TESC: variants seen among roughly 807,000 people sequenced by gnomAD.
The protein encoded by TESC is calcineurin B homologous protein 3.
TESC carries 19 observed loss-of-function variants against 31.0 expected under a neutral mutation model. The ratio of observed to expected loss-of-function variants is 0.61; its 90% CI spans 0.43 to 0.90. TESC has a LOEUF of 0.90. TESC is among the 40% of genes least tolerant of loss of function. The probability of loss-of-function intolerance (pLI) is 0.00; values close to 1 mark genes in which losing one functional copy is unlikely to be tolerated. For synonymous variants in TESC, 109 were observed against 114.8 expected, an observed-to-expected ratio of 0.95 and a Z score of 0.32; for missense variants, 248 against 303.8, an observed-to-expected ratio of 0.82 and a Z score of 1.36.
intron 2 of TESC, among the ~76,000 whole-genome samples, chr12:117,058,155 G>A (rs1244285443): frequency 6.6e-6 from 1 of 152,110 alleles, no homozygotes; most frequent in African/African-American, 2.4e-5. Context: ...GGGAGGTGGA[G>A]GTTGCAGTGA....
intron 1 of TESC, among the ~76,000 whole-genome samples, chr12:117,088,352 C>A (rs907186746): frequency 6.6e-6 from 1 of 152,032 alleles, no homozygotes; most frequent in African/African-American, 2.4e-5. Context: ...CCAGATTTAT[C>A]CTGAGGCCAA....
chr12:117,098,878 C>G (rs1955432340), intron 1 of TESC, among the ~76,000 whole-genome samples: 1 of 152,160 alleles, frequency 6.6e-6, no homozygotes, highest in Non-Finnish European at 1.5e-5. Flanking sequence ...GTGGGGCGCG[C>G]GCGCCAGCGG....
In TESC at chr12:117,089,374, TG is replaced by T. The variant is rs1955273336; in HGVS notation, c.58+9850del. Among the ~76,000 whole-genome samples the T allele has an allele frequency of 3.9e-5, 6 of 152,110 alleles. No individual in the cohort carries two copies. In the South Asian group the frequency reaches 1.2e-3, roughly 32 times the overall value. ...GGTAGGGGGAAGGGCCAAGGGGAGT[TG>T]GGAAAAAGCCCAAAGATGAGCTTAT... On this transcript the variant is annotated intron_variant, in intron 1 of 7. Coordinates refer to ENST00000335209, the MANE Select transcript of TESC (RefSeq NM_017899.4).
intron 4 of TESC, chr12:117,048,763 GT>G (rs1954603935): frequency 3.2e-6 from 2 of 633,514 alleles, no homozygotes; most frequent in African/African-American, 3.6e-5. Flanking sequence ...CAAGGGCCTT[GT>G]TTCACATCCA....
At chr12:117,075,849 A>ATATATATATATATATATATGTG (rs1565971306) in intron 1 of TESC, among the ~76,000 whole-genome samples, 5 of 24,022 alleles carry the variant, frequency 2.1e-4, no homozygotes, top group South Asian at 2.1e-3. Context: ...GTGTGTGTGT[A>ATATATATATATATATATATGTG]TATATATATA....
At chr12:117,082,431 G>C (rs993485147) in intron 1 of TESC, among the ~76,000 whole-genome samples, 1 of 151,902 alleles carries the variant, frequency 6.6e-6, no homozygotes, top group African/African-American at 2.4e-5. Flanking sequence ...TTGAACCTGG[G>C]AGGCAGAGGT....
intron 2 of TESC, among the ~76,000 whole-genome samples, chr12:117,059,078 C>T (rs1193980110): frequency 1.3e-5 from 2 of 152,198 alleles, no homozygotes; most frequent in African/African-American, 4.8e-5. Flanking sequence ...AGGGTATCAG[C>T]CCACTGAAAA....
At chr12:117,039,748 C>T (rs1360752144) in intron 7 of TESC, among the ~76,000 whole-genome samples, 2 of 152,212 alleles carry the variant, frequency 1.3e-5, no homozygotes, top group Non-Finnish European at 1.5e-5. Context: ...TAAGGGATCA[C>T]GTGCATTCTA....
chr12:117,042,606 T>C (rs1954501375), intron 6 of TESC, among the ~76,000 whole-genome samples: 1 of 152,158 alleles, frequency 6.6e-6, no homozygotes, highest in Non-Finnish European at 1.5e-5. Flanking sequence ...ACAAGGAGCC[T>C]CTCCCTGCTG....
intron 2 of TESC, among the ~76,000 whole-genome samples, chr12:117,071,459 G>T (rs571320618): frequency 1.3e-5 from 2 of 152,336 alleles, no homozygotes; most frequent in South Asian, 2.1e-4. Flanking sequence ...GGCAGGAGAC[G>T]TGTCTTGGAA....
Position 117,046,587 on chromosome 12 carries a change from T to A in TESC, c.491A>T (p.Glu164Val). The stretch of plus-strand genomic sequence containing the variant: ...CTGCCCCATGCACACGCTGGCCGCC[T>A]CCATCATGGCCCCGTCGGCGATGGA... ...ARSIADGAMM[E>V]AASVCMGQME... The change falls in exon 6 of 8, where the codon GAG (glutamate) becomes GTG (valine). Residue 164 changes from glutamate (E) to valine (V), a missense_variant. Physicochemically the swap from Glu to Val is moderately radical, Grantham distance 121 (BLOSUM62 -2). Transcript: ENST00000335209. 1.9e-6 allele frequency: 3 copies of A among 1,551,038 alleles called. No individual in the cohort carries two copies.
chr12:117,092,598 C>G (rs565872050), intron 1 of TESC, among the ~76,000 whole-genome samples: 20 of 152,308 alleles, frequency 1.3e-4, no homozygotes, highest in Middle Eastern at 6.8e-3. Context: ...GGTCTCCCCC[C>G]GCCCCAGAGC....
intron 1 of TESC, among the ~76,000 whole-genome samples, chr12:117,085,971 A>G (rs889075691): frequency 6.6e-5 from 10 of 152,196 alleles, no homozygotes; most frequent in Admixed American, 3.3e-4. Flanking sequence ...AGGTGATGAG[A>G]TGTTATAAAG....
chr12:117,061,690 A>G (rs914786711), intron 2 of TESC, among the ~76,000 whole-genome samples: 1 of 151,680 alleles, frequency 6.6e-6, no homozygotes, highest in Non-Finnish European at 1.5e-5. Context: ...CTACATCCAC[A>G]CCTGACTCTC....
intron 1 of TESC, among the ~76,000 whole-genome samples, chr12:117,083,802 A>G (rs905594203): frequency 2.0e-5 from 3 of 152,138 alleles, no homozygotes; most frequent in African/African-American, 4.8e-5. Context: ...TTGTTCTACA[A>G]TTAGGTAGTG....
chr12:117,056,901 G>A lies in TESC; in HGVS notation c.129-15C>T. The A allele has an allele frequency of 1.2e-6, 2 of 1,613,574 alleles. No individual in the cohort carries two copies. Among genetic ancestry groups the A allele is most frequent in the Non-Finnish European group, 1.7e-6 (2 of 1,179,512 alleles). On this transcript the variant is annotated splice_polypyrimidine_tract_variant and intron_variant, in intron 2 of 7. Transcript: ENST00000335209. The stretch of plus-strand genomic sequence containing the variant: ...AGTTCTCCTTGCTGGTTTCCAAGAA[G>A]GAGAGATACCGGGAAGAGAATAAGG...
intron 2 of TESC, among the ~76,000 whole-genome samples, chr12:117,060,367 T>C (rs1440549974): frequency 6.6e-6 from 1 of 152,134 alleles, no homozygotes; most frequent in African/African-American, 2.4e-5. Context: ...GCATGTTCCG[T>C]CTGTCAAAGT....
intron 1 of TESC, among the ~76,000 whole-genome samples, chr12:117,086,212 G>A (rs1481530011): frequency 2.0e-5 from 3 of 152,088 alleles, no homozygotes; most frequent in Non-Finnish European, 2.9e-5. Flanking sequence ...AAATAGATAC[G>A]GTGATGTTTT....
chr12:117,040,299 C>T (rs1954463148), intron 7 of TESC, among the ~76,000 whole-genome samples: 1 of 152,146 alleles, frequency 6.6e-6, no homozygotes. Context: ...CACGCATGGA[C>T]ACTCACGGTG....
Sources: allele counts gnomAD v4.1 joint callset (sites outside exome capture counted in the v4.1 genomes callset), GRCh38; gene constraint gnomAD v4.1.1; transcripts MANE v1.5; gene names NCBI Gene and HGNC (gene_info 2026-07-23, HGNC 2026-07-21).